The following CTSO variants were observed in gnomAD, a reference collection of about 807,000 sequenced individuals.
The protein encoded by CTSO is cathepsin O.
CTSO carries 40 observed loss-of-function variants against 42.4 expected under a neutral mutation model. The ratio of observed to expected loss-of-function variants is 0.94; its 90% CI spans 0.73 to 1.23. The LOEUF is 1.23. Among genes scored for constraint, CTSO ranks in the 50% most tolerant of loss-of-function variants. The pLI is 0.00. For missense variants in CTSO, 441 were observed against 396.0 expected (o/e 1.11, Z -0.96); for synonymous variants, 156 against 146.2 (o/e 1.07, Z -0.48).
chr4:155,945,416 T>C (rs140071807), intron 1 of CTSO, among the ~76,000 whole-genome samples: 10 of 152,272 alleles, frequency 6.6e-5, no homozygotes, highest in African/African-American at 1.9e-4. Context: ...TGGCAAACTG[T>C]ACAAAATGGA....
intron 1 of CTSO, among the ~76,000 whole-genome samples, chr4:155,953,130 T>C (rs1743706102): frequency 6.6e-6 from 1 of 151,978 alleles, no homozygotes; most frequent in African/African-American, 2.4e-5. Flanking sequence ...TGCTTCTCTT[T>C]TCTTCAACTC....
In CTSO at chr4:155,931,905, T is replaced by G. The variant is rs535745783; in HGVS notation, c.675-2200A>C. Among the ~76,000 whole-genome samples the G allele has an allele frequency of 1.8e-4, 28 of 151,882 alleles. No homozygotes were observed. The East Asian group carries it at 4.8e-3, about 26-fold the overall frequency. ...AATAGTTCAAATAATTTTCCTAAAT[T>G]TTATTGTCATCAAGATGCGGCGATG... On this transcript the variant is annotated intron_variant, in intron 5 of 7. Coordinates refer to ENST00000433477, the MANE Select transcript of CTSO (RefSeq NM_001334.3).
intron 4 of CTSO, among the ~76,000 whole-genome samples, chr4:155,938,142 G>C (rs1743364651): frequency 6.6e-6 from 1 of 152,130 alleles, no homozygotes. Flanking sequence ...AAGTCTTTCA[G>C]ATTCCATCCA....
chr4:155,931,234 G>T lies in CTSO; in HGVS notation c.675-1529C>A, dbSNP rs558492015. 2.4e-4 allele frequency among the ~76,000 whole-genome samples: 36 copies of T among 152,152 alleles called. No homozygotes were observed. The South Asian group carries it at 3.9e-3, about 17-fold the overall frequency. ...TATCAAAATTCTTAGCATAGTTCAT[G>T]ATTTAAACATGATATATATAATAAT... On this transcript the variant is annotated intron_variant, in intron 5 of 7. Transcript: ENST00000433477.
chr4:155,938,291 G>A (rs184650585), intron 4 of CTSO, among the ~76,000 whole-genome samples: 34 of 152,300 alleles, frequency 2.2e-4, no homozygotes, highest in Admixed American at 1.2e-3. Context: ...CTAATGAAAG[G>A]GAGGAGACTC....
intron 5 of CTSO, among the ~76,000 whole-genome samples, chr4:155,933,252 A>T (rs1252638902): frequency 6.6e-6 from 1 of 151,930 alleles, no homozygotes; most frequent in Admixed American, 6.6e-5. Flanking sequence ...AGATCTGATG[A>T]TTTTATCAGG....
At chr4:155,946,083 T>C (rs1328870116) in intron 1 of CTSO, among the ~76,000 whole-genome samples, 1 of 152,234 alleles carries the variant, frequency 6.6e-6, no homozygotes, top group African/African-American at 2.4e-5. Context: ...GTGTGGGTTC[T>C]ACACGTGTGT....
intron 1 of CTSO, among the ~76,000 whole-genome samples, chr4:155,947,930 A>C (rs769246141): frequency 4.6e-5 from 7 of 152,226 alleles, no homozygotes; most frequent in Admixed American, 3.3e-4. Flanking sequence ...GTTTTGATGA[A>C]TACATAGGAA....
chr4:155,953,810 A>G lies in CTSO; in HGVS notation c.38T>C (p.Leu13Pro), dbSNP rs1013059201. ...VRALPWLPWLLWLLCRGGGDA... is the reference protein window; with the variant it reads ...VRALPWLPWLPWLLCRGGGDA... ...GCCGCCGCCCCGGCACAGCAGCCAC[A>G]GCAGCCACGGCAGCCACGGCAGCGC... is the stretch of plus-strand genomic sequence containing the variant. The change falls in exon 1 of 8, where the codon CTG (leucine) becomes CCG (proline). Residue 13 changes from leucine to proline, a missense_variant. Transcript: ENST00000433477. 1.2e-4 allele frequency: 162 copies of G among 1,348,532 alleles called. No individual in the cohort carries two copies. The highest frequency in any genetic ancestry group is 2.6e-4 in the African/African-American group (17 of 66,480). 83.5% of individuals were successfully genotyped at this position (1,348,532 alleles called of 1,614,324 possible).
Position 155,953,710 on chromosome 4 carries a change from T to A in CTSO, c.135+3A>T, listed in dbSNP as rs1743720262. 1 of 1,269,166 alleles carries A rather than the reference T, an allele frequency of 7.9e-7. No homozygotes were observed. The highest frequency in any genetic ancestry group is 9.9e-7 in the Non-Finnish European group (1 of 1,008,324). The allele number at this position is 1,269,166 out of a possible 1,614,324, so 78.6% of individuals were successfully genotyped here. On this transcript the variant is annotated splice_donor_region_variant and intron_variant, in intron 1 of 7. Coordinates refer to ENST00000433477, the MANE Select transcript of CTSO (RefSeq NM_001334.3). Reference sequence around the variant, plus strand: ...AGATCCCGGGGAGGCGCGCGCTCGGTACCCGGAAGGCGGCGGCTTCACGCT... The same window carrying A: ...AGATCCCGGGGAGGCGCGCGCTCGGAACCCGGAAGGCGGCGGCTTCACGCT...
chr4:155,945,227 A>G (rs1420581359), intron 1 of CTSO, among the ~76,000 whole-genome samples: 2 of 152,090 alleles, frequency 1.3e-5, no homozygotes, highest in Non-Finnish European at 2.9e-5. Flanking sequence ...ACTGCACTCC[A>G]GCCTGGACGA....
chr4:155,934,748 GA>G (rs1243494396), intron 5 of CTSO, among the ~76,000 whole-genome samples: 1 of 152,144 alleles, frequency 6.6e-6, no homozygotes, highest in Non-Finnish European at 1.5e-5. Flanking sequence ...CTCCCATTTG[GA>G]ATGGCCGTAT....
intron 5 of CTSO, among the ~76,000 whole-genome samples, chr4:155,930,272 C>T (rs931155719): frequency 2.0e-5 from 3 of 152,138 alleles, no homozygotes; most frequent in Non-Finnish European, 4.4e-5. Context: ...AAGAGACTAA[C>T]TCATGTTAGT....
rs35566294 is a variant in CTSO at position 155,951,138 on chromosome 4, C to T, written c.135+2575G>A. Reference sequence around the variant, plus strand: ...TATAATAATATAACCTGTGTCATTACGGCAACTGGTCTTAAGGTAAAGCTT... The same window carrying T: ...TATAATAATATAACCTGTGTCATTATGGCAACTGGTCTTAAGGTAAAGCTT... On this transcript the variant is annotated intron_variant, in intron 1 of 7. Transcript: ENST00000433477. 9.2e-3 allele frequency among the ~76,000 whole-genome samples: 1,400 copies of T among 152,142 alleles called. 9 individuals are homozygous for T. The highest frequency in any genetic ancestry group is 0.061 in the Middle Eastern group (18 of 294).
chr4:155,950,092 A>G (rs1000576932), intron 1 of CTSO, among the ~76,000 whole-genome samples: 1 of 152,248 alleles, frequency 6.6e-6, no homozygotes, highest in African/African-American at 2.4e-5. Context: ...GTGTGTAAAC[A>G]TATTGCAGAT....
Position 155,937,353 on chromosome 4 carries a change from G to T in CTSO, c.674+9C>A. ...TATAAAGAAAAACATAATACAATAA[G>T]ATCTTTACCTGAAGTCATATGCAGA... is the stretch of plus-strand genomic sequence containing the variant. On this transcript the variant is annotated intron_variant, in intron 5 of 7. Transcript: ENST00000433477. The T allele has an allele frequency of 1.9e-6, 3 of 1,594,048 alleles. No homozygotes were observed. The highest frequency in any genetic ancestry group is 2.6e-6 in the Non-Finnish European group (3 of 1,164,654).
In CTSO at chr4:155,932,777, T is replaced by A. The variant is rs145328603; in HGVS notation, c.675-3072A>T. Among the ~76,000 whole-genome samples, 603 of 152,318 alleles carry A rather than the reference T, an allele frequency of 4.0e-3. 1 individual carries two copies. The highest frequency in any genetic ancestry group is 6.7e-3 in the Non-Finnish European group (454 of 68,020). On this transcript the variant is annotated intron_variant, in intron 5 of 7. Coordinates refer to ENST00000433477, the MANE Select transcript of CTSO (RefSeq NM_001334.3). ...AAGAAACCCTGCTGCCCCGGTTCTC[T>A]CATTTCCCCACCCCATTACCAGTCT...
Position 155,926,041 on chromosome 4 carries a change from C to A in CTSO, c.961G>T (p.Val321Leu). The A allele has an allele frequency of 1.2e-6, 2 of 1,602,642 alleles. No homozygotes were observed. Among genetic ancestry groups the A allele is most frequent in the Non-Finnish European group, 1.7e-6 (2 of 1,174,400 alleles). The stretch of plus-strand genomic sequence containing the variant: ...CTCTTGATCTGCCCAACATGTCACA[C>A]AAATATAGAAGAAACGGAATCTGCA... Reference protein sequence around the residue: ...GIADSVSSIFV With the variant: ...GIADSVSSIFL The change falls in exon 8 of 8, where the codon GTG (valine) becomes TTG (leucine). Residue 321 changes from valine (V) to leucine (L), a missense_variant. Val to Leu is a conservative substitution (Grantham distance 32). Coordinates refer to ENST00000433477, the MANE Select transcript of CTSO (RefSeq NM_001334.3).
At chr4:155,942,132 A>T (rs1743447681) in intron 3 of CTSO, among the ~76,000 whole-genome samples, 185 bp downstream of exon 3, 1 of 152,170 alleles carries the variant, frequency 6.6e-6, no homozygotes, top group Non-Finnish European at 1.5e-5. Flanking sequence ...TTCAGAAATA[A>T]AAGTCAGGGC....
Sources: gnomAD v4.1 joint callset for allele counts (sites outside exome capture counted in the v4.1 genomes callset) on GRCh38, gnomAD v4.1.1 for gene constraint, MANE v1.5 for transcripts, NCBI Gene and HGNC (gene_info 2026-07-23, HGNC 2026-07-21) for gene names.